The following RANBP2 variants were observed in gnomAD, a reference collection of about 807,000 sequenced individuals.
RANBP2 encodes the protein RAN binding protein 2.
RANBP2 carries 57 observed loss-of-function variants against 303.6 expected under a neutral mutation model. The ratio of observed to expected loss-of-function variants is 0.19; its 90% CI spans 0.15 to 0.23. The LOEUF is 0.23. Ranked by LOEUF, RANBP2 falls within the 10% of genes least tolerant of loss-of-function variation. The pLI is 1.00. For synonymous variants in RANBP2, 1,167 were observed against 1,301.5 expected (o/e 0.90, Z 2.23); for missense variants, 3,138 against 3,780.8 (o/e 0.83, Z 4.46).
chr2:108,901,994 C>T, the RANBP2 span, among the ~76,000 whole-genome samples: 1 of 151,864 alleles, frequency 6.6e-6, no homozygotes, highest in Admixed American at 6.6e-5. Flanking sequence ...AATCCCAGCA[C>T]TTTGGGAGGC....
chr2:109,139,901 C>T, the RANBP2 span, among the ~76,000 whole-genome samples: 38 of 152,284 alleles, frequency 2.5e-4, no homozygotes, highest in African/African-American at 9.1e-4. Flanking sequence ...AAAGGCAGCG[C>T]CACTGGGGCT....
At chr2:109,629,573 G>A in the RANBP2 span, among the ~76,000 whole-genome samples, 1 of 151,674 alleles carries the variant, frequency 6.6e-6, no homozygotes, top group Non-Finnish European at 1.5e-5. Context: ...AGCACTTTGG[G>A]AGGCTGAGGC....
chr2:109,401,958 G>T, the RANBP2 span, among the ~76,000 whole-genome samples: 1 of 152,224 alleles, frequency 6.6e-6, no homozygotes, highest in Non-Finnish European at 1.5e-5. Context: ...GACTTGAAGC[G>T]AAAGTCATGG....
chr2:109,590,069 C>A, the RANBP2 span, among the ~76,000 whole-genome samples: 1 of 147,532 alleles, frequency 6.8e-6, no homozygotes, highest in Admixed American at 6.8e-5. Flanking sequence ...TATATATACA[C>A]ACACATATAT....
rs184236392 is a variant in RANBP2 at position 108,765,073 on chromosome 2, G to T, written c.4534G>T (p.Ala1512Ser). ...GAATCCGAGAAAACAGAGTCTACCT[G>T]CTACTTCTATTCCAACACCTGCCTC... ...CQNPRKQSLPATSIPTPASFK... is the reference protein window; with the variant it reads ...CQNPRKQSLPSTSIPTPASFK... Residue 1512 changes from alanine (A) to serine (S), a missense_variant, in exon 20 of 29, where the codon GCT becomes TCT. Transcript: ENST00000283195. The T allele has an allele frequency of 8.9e-5, 143 of 1,613,844 alleles. 1 individual carries two copies. The East Asian group carries it at 2.4e-3, about 27-fold the overall frequency.
the RANBP2 span, among the ~76,000 whole-genome samples, chr2:109,422,904 A>G: frequency 6.6e-6 from 1 of 152,110 alleles, no homozygotes; most frequent in South Asian, 2.1e-4. Context: ...GTCATCACCT[A>G]CAGCAATGGA....
the RANBP2 span, among the ~76,000 whole-genome samples, chr2:109,145,963 C>T: frequency 1.3e-5 from 2 of 152,152 alleles, no homozygotes; most frequent in Non-Finnish European, 2.9e-5. Flanking sequence ...TTGCTGTGTA[C>T]CCCTGAGCAA....
chr2:109,010,833 A>G, the RANBP2 span, among the ~76,000 whole-genome samples: 8 of 152,184 alleles, frequency 5.3e-5, no homozygotes, highest in Admixed American at 2.0e-4. Context: ...ATTGCTCAGG[A>G]TTCCAAGGAA....
the RANBP2 span, among the ~76,000 whole-genome samples, chr2:109,050,311 T>C: frequency 6.6e-6 from 1 of 152,072 alleles, no homozygotes; most frequent in East Asian, 1.9e-4. Context: ...TAGAGTACAG[T>C]GGTGCAATCA....
At chr2:109,069,298 G>A in the RANBP2 span, among the ~76,000 whole-genome samples, 3 of 152,248 alleles carry the variant, frequency 2.0e-5, no homozygotes, top group Admixed American at 2.0e-4. Flanking sequence ...GATCCCAGAT[G>A]TTTGATTTGG....
chr2:109,606,672 C>CTTTTTTTTTTTTTTTTTTTTTTTTTT, the RANBP2 span, among the ~76,000 whole-genome samples: 1 of 71,896 alleles, frequency 1.4e-5, no homozygotes, highest in Non-Finnish European at 2.4e-5. Flanking sequence ...AAATTTTAAG[C>CTTTTTTTTTTTTTTTTTTTTTTTTTT]TTTTTTTTTT....
the RANBP2 span, among the ~76,000 whole-genome samples, chr2:109,493,717 A>C: frequency 6.6e-6 from 1 of 151,614 alleles, no homozygotes; most frequent in East Asian, 1.9e-4. Flanking sequence ...TACACACCAT[A>C]AACACACACC....
chr2:108,970,527 G>C, the RANBP2 span, among the ~76,000 whole-genome samples: 3 of 152,080 alleles, frequency 2.0e-5, no homozygotes, highest in African/African-American at 7.2e-5. Context: ...GCCTCTGGAC[G>C]GTGCCCAGGG....
the RANBP2 span, among the ~76,000 whole-genome samples, chr2:109,431,963 A>G: frequency 2.6e-5 from 4 of 152,188 alleles, no homozygotes; most frequent in African/African-American, 9.7e-5. Context: ...TTCCCTTAAA[A>G]AGGGCCTCTG....
the RANBP2 span, chr2:109,585,258 T>G: frequency 2.5e-6 from 4 of 1,613,114 alleles, no homozygotes; most frequent in Non-Finnish European, 3.4e-6. Flanking sequence ...TGAGGATTCA[T>G]AGTCTTCAAA....
chr2:109,459,803 G>A, the RANBP2 span, among the ~76,000 whole-genome samples: 1 of 152,182 alleles, frequency 6.6e-6, no homozygotes, highest in Non-Finnish European at 1.5e-5. Context: ...ACATAATGTT[G>A]TGAGAACAAG....
At chr2:109,301,440 G>A in the RANBP2 span, among the ~76,000 whole-genome samples, 21 of 152,082 alleles carry the variant, frequency 1.4e-4, no homozygotes, top group Non-Finnish European at 2.6e-4. Flanking sequence ...CCTCTCCTCC[G>A]GGGATTGCTG....
At chr2:108,819,928 CA>C in the RANBP2 span, among the ~76,000 whole-genome samples, 1 of 152,014 alleles carries the variant, frequency 6.6e-6, no homozygotes, top group Non-Finnish European at 1.5e-5. Flanking sequence ...AAAGAGAACA[CA>C]AAAAACTAAG....
chr2:109,507,720 G>A, the RANBP2 span, among the ~76,000 whole-genome samples: 1 of 152,190 alleles, frequency 6.6e-6, no homozygotes, highest in Non-Finnish European at 1.5e-5. Flanking sequence ...GGCAGCAGCT[G>A]TTTGTCCAGG....
Sources: gnomAD v4.1 joint callset for allele counts (sites outside exome capture counted in the v4.1 genomes callset) on GRCh38, gnomAD v4.1.1 for gene constraint, MANE v1.5 for transcripts, NCBI Gene and HGNC (gene_info 2026-07-23, HGNC 2026-07-21) for gene names.